Variants in SLITRK5 observed in about 807,000 individuals in gnomAD.
The protein encoded by SLITRK5 is SLIT and NTRK like family member 5.
In SLITRK5, 23 loss-of-function variants were observed where a neutral mutation model predicts 56.2. That is an observed-to-expected ratio of 0.41 (90% confidence interval 0.29 to 0.58). SLITRK5 has a LOEUF of 0.58. Among genes scored for constraint, SLITRK5 ranks in the 20% least tolerant of loss-of-function variants. SLITRK5 has a pLI of 0.30. For synonymous variants in SLITRK5, 637 were observed against 531.8 expected, an observed-to-expected ratio of 1.20 and a Z score of -2.72; for missense variants, 1,289 against 1,226.6, an observed-to-expected ratio of 1.05 and a Z score of -0.76.
rs976015688 is a variant in SLITRK5 at position 87,678,781 on chromosome 13, T to C, written c.*516T>C. 5 of 166,452 alleles carry C rather than the reference T, an allele frequency of 3.0e-5. No individual in the cohort carries two copies. Among genetic ancestry groups the C allele is most frequent in the Admixed American group, 6.6e-5 (1 of 15,158 alleles). The allele number at this position is 166,452 out of a possible 1,614,324, so 10.3% of individuals were successfully genotyped here. On this transcript the variant is annotated 3_prime_UTR_variant, in exon 2 of 2. Transcript: ENST00000683689. ...CTCTTTTTCCGCCCCTCTCCTTCTCTCCTCCCCTCCCCTCCCTTCTCATTC... is the reference window on the plus strand; with the variant it reads ...CTCTTTTTCCGCCCCTCTCCTTCTCCCCTCCCCTCCCCTCCCTTCTCATTC...
At position 87,677,148 on chromosome 13, in the gene SLITRK5, T is replaced by A; in HGVS notation, c.1760T>A (p.Val587Glu). The A allele has an allele frequency of 6.2e-7, 1 of 1,614,162 alleles. No homozygotes were observed. The highest frequency in any genetic ancestry group is 8.5e-7 in the Non-Finnish European group (1 of 1,180,016). ...GAGCAGCTCAAAGTGGGCGTCCTAG[T>A]GGACGAGGTGATCTGTAAGGCGCCC... ...WVEQLKVGVL[V>E]DEVICKAPKK... Residue 587 changes from valine to glutamate, a missense_variant, in exon 2 of 2, where the codon GTG (valine) becomes GAG (glutamate). Val to Glu is a moderately radical substitution (Grantham distance 121). This residue lies in a region of SLITRK5 where 985 missense variants were observed against 906.0 expected (regional missense o/e 1.09). Transcript: ENST00000683689. This position sits in a 1 kb window ranked among gnomAD's most constrained non-coding sequence, Gnocchi z 4.7.
chr13:87,673,066 C>A (rs1012357502), intron 1 of SLITRK5, among the ~76,000 whole-genome samples: 1 of 151,838 alleles, frequency 6.6e-6, no homozygotes, highest in East Asian at 2.0e-4. Flanking sequence ...GTGCCCGGAG[C>A]CTCCGGTGCG....
Position 87,677,322 on chromosome 13 carries a change from G to A in SLITRK5, c.1934G>A (p.Ser645Asn). 6.2e-7 allele frequency: 1 copy of A among 1,614,102 alleles called. No individual in the cohort carries two copies. Among genetic ancestry groups the A allele is most frequent in the Non-Finnish European group, 8.5e-7 (1 of 1,180,016 alleles). The change falls in exon 2 of 2, where the codon AGC (serine) becomes AAC (asparagine). Residue 645 changes from serine to asparagine, a missense_variant. Ser to Asn is a conservative substitution (Grantham distance 46, BLOSUM62 1). Coordinates refer to ENST00000683689, the MANE Select transcript of SLITRK5 (RefSeq NM_001384609.1). The surrounding 1 kb of genome is among the most constrained non-coding windows in gnomAD (Gnocchi z 4.7). ...GTGACTCCTGCGGTCCGGTTGAATAGCACCGGGGCCCCCGCGAGCTTGGGC... is the reference window on the plus strand; with the variant it reads ...GTGACTCCTGCGGTCCGGTTGAATAACACCGGGGCCCCCGCGAGCTTGGGC... Reference protein sequence around the residue: ...SAVTPAVRLNSTGAPASLGAG... With the variant: ...SAVTPAVRLNNTGAPASLGAG...
intron 1 of SLITRK5, chr13:87,673,498 A>AGGGAGGGAGG: frequency 1.6e-6 from 1 of 629,248 alleles, no homozygotes; most frequent in Non-Finnish European, 2.3e-6. Flanking sequence ...GGGGAAGCAC[A>AGGGAGGGAGG]GGGAGGGAGG....
Position 87,677,507 on chromosome 13 carries a change from G to A in SLITRK5, c.2119G>A (p.Val707Met), listed in dbSNP as rs1390382828. The A allele has an allele frequency of 6.2e-7, 1 of 1,611,842 alleles. No homozygotes were observed. Among genetic ancestry groups the A allele is most frequent in the Non-Finnish European group, 8.5e-7 (1 of 1,179,858 alleles). The change falls in exon 2 of 2, where the codon GTG becomes ATG. Residue 707 changes from valine (V) to methionine (M), a missense_variant. Transcript: ENST00000683689. This position sits in a 1 kb window ranked among gnomAD's most constrained non-coding sequence, Gnocchi z 4.7. ...SDHTSTNNSD[V>M]SSFNMQYSVY... ...CCACACCAGCACCAACAACTCCGAC[G>A]TGAGCTCCTTTAACATGCAGTACAG...
chr13:87,675,783 G>A lies in SLITRK5; in HGVS notation c.395G>A (p.Arg132Lys), dbSNP rs1446223587. The A allele has an allele frequency of 6.2e-7, 1 of 1,614,108 alleles. No individual in the cohort carries two copies. The highest frequency in any genetic ancestry group is 1.1e-5 in the South Asian group (1 of 91,072). Reference protein sequence around the residue: ...TGAFHGLRGLRRLHLNNNKLE... With the variant: ...TGAFHGLRGLKRLHLNNNKLE... Reference sequence around the variant, plus strand: ...GCTTTCCATGGGCTACGGGGTTTGAGGAGATTGCATCTAAACAATAATAAA... The same window carrying A: ...GCTTTCCATGGGCTACGGGGTTTGAAGAGATTGCATCTAAACAATAATAAA... The change falls in exon 2 of 2, where the codon AGG becomes AAG. Residue 132 changes from arginine (R) to lysine (K), a missense_variant. This residue lies in a region of SLITRK5 where 291 missense variants were observed against 286.7 expected (regional missense o/e 1.02). Coordinates refer to ENST00000683689, the MANE Select transcript of SLITRK5 (RefSeq NM_001384609.1).
Position 87,678,412 on chromosome 13 carries a change from G to A in SLITRK5, c.*147G>A, listed in dbSNP as rs1048460867. 3 of 743,308 alleles carry A rather than the reference G, an allele frequency of 4.0e-6. No homozygotes were observed. The highest frequency in any genetic ancestry group is 6.7e-6 in the Non-Finnish European group (3 of 450,932). 46.0% of individuals were successfully genotyped at this position (743,308 alleles called of 1,614,324 possible). A position where few individuals can be genotyped will look rare whatever the true frequency, so the allele number is the denominator to read the frequency against. On this transcript the variant is annotated 3_prime_UTR_variant, in exon 2 of 2. Transcript: ENST00000683689. The stretch of plus-strand genomic sequence containing the variant: ...ATTTCTCAGCTTCGGTGGAAGATAC[G>A]AAAAGGGTGTGCAATTTCCTTTAAA...
rs1193585510 is a variant in SLITRK5, at chr13:87,679,094, T to A, written c.*829T>A. 2 of 166,832 alleles carry A rather than the reference T, an allele frequency of 1.2e-5. No homozygotes were observed. Among genetic ancestry groups the A allele is most frequent in the Non-Finnish European group, 2.9e-5 (2 of 68,110 alleles). The allele number at this position is 166,832 out of a possible 1,614,324, so 10.3% of individuals were successfully genotyped here. On this transcript the variant is annotated 3_prime_UTR_variant, in exon 2 of 2. Coordinates refer to ENST00000683689, the MANE Select transcript of SLITRK5 (RefSeq NM_001384609.1). ...GTATTAGGATCTGCATTTCTAAAAC[T>A]GACGTGGTATCAGGAAGGCATTTTC...
In SLITRK5 at chr13:87,676,867, C is replaced by A. The variant is rs777152769; in HGVS notation, c.1479C>A (p.Ile493=). 3 of 1,614,144 alleles carry A rather than the reference C, an allele frequency of 1.9e-6. No individual in the cohort carries two copies. In the South Asian group the frequency reaches 3.3e-5, roughly 18 times the overall value. The stretch of plus-strand genomic sequence containing the variant: ...ATCTCTTCCTCCAGTACAATCTCAT[C>A]CGCGAGATTCAGTCTGGAACTTTTG... ...LQYLFLQYNL[I]REIQSGTFDP... The change falls in exon 2 of 2, where the codon ATC becomes ATA. Residue 493 remains isoleucine, a synonymous_variant. Transcript: ENST00000683689.
chr13:87,675,772 A>G lies in SLITRK5; in HGVS notation c.384A>G (p.Leu128=), dbSNP rs1211594343. The G allele has an allele frequency of 3.1e-6, 5 of 1,614,044 alleles. No homozygotes were observed. The East Asian group carries it at 6.7e-5, about 22-fold the overall frequency. The change falls in exon 2 of 2, where the codon CTA becomes CTG. Residue 128 remains leucine (L), a synonymous_variant. Transcript: ENST00000683689. ...QDIETGAFHG[L]RGLRRLHLNN... ...TTGAGACCGGGGCTTTCCATGGGCTACGGGGTTTGAGGAGATTGCATCTAA... is the reference window on the plus strand; with the variant it reads ...TTGAGACCGGGGCTTTCCATGGGCTGCGGGGTTTGAGGAGATTGCATCTAA...
chr13:87,676,759 C>T lies in SLITRK5; in HGVS notation c.1371C>T (p.Thr457=), dbSNP rs1289627746. The change falls in exon 2 of 2, where the codon ACC becomes ACT. Residue 457 remains threonine, a synonymous_variant. Transcript: ENST00000683689. ...MIQDRAFGDL[T]NLRRLYLNGN... ...AGGACCGCGCTTTCGGGGATCTCACCAACCTGAGGCGCCTCTACCTGAATG... is the reference window on the plus strand; with the variant it reads ...AGGACCGCGCTTTCGGGGATCTCACTAACCTGAGGCGCCTCTACCTGAATG... The T allele has an allele frequency of 1.2e-6, 2 of 1,614,126 alleles. No homozygotes were observed. Among genetic ancestry groups the T allele is most frequent in the African/African-American group, 2.7e-5 (2 of 75,038 alleles).
rs1273841799 is a variant in SLITRK5 at position 87,675,264 on chromosome 13, G to C, written c.-8-117G>C. The stretch of plus-strand genomic sequence containing the variant: ...TTTCACTTGGGGAGGTGTGTCATTT[G>C]TATCTCTTCCTTTTGGGTTTTAGAG... On this transcript the variant is annotated intron_variant, in intron 1 of 1. Transcript: ENST00000683689. The C allele has an allele frequency of 6.0e-6, 4 of 667,342 alleles. No homozygotes were observed. The East Asian group carries it at 8.0e-5, about 13-fold the overall frequency. The allele number at this position is 667,342 out of a possible 1,614,324, so 41.3% of individuals were successfully genotyped here.
At chr13:87,674,436 G>A in intron 1 of SLITRK5, 3 of 983,708 alleles carry the variant, frequency 3.0e-6, no homozygotes, top group Non-Finnish European at 3.6e-6. Flanking sequence ...GATCCTTGGT[G>A]TACTGATTCC....
rs980668290 is a variant in SLITRK5, at chr13:87,676,871, G to C, written c.1483G>C (p.Glu495Gln). The change falls in exon 2 of 2, where the codon GAG (glutamate) becomes CAG (glutamine). Residue 495 changes from glutamate to glutamine, a missense_variant. By Grantham distance (29) the Glu-to-Gln change is conservative. Coordinates refer to ENST00000683689, the MANE Select transcript of SLITRK5 (RefSeq NM_001384609.1). The part of the protein sequence containing the change: ...YLFLQYNLIR[E>Q]IQSGTFDPVP... The stretch of plus-strand genomic sequence containing the variant: ...CTTCCTCCAGTACAATCTCATCCGC[G>C]AGATTCAGTCTGGAACTTTTGACCC... The C allele has an allele frequency of 4.3e-6, 7 of 1,613,966 alleles. No homozygotes were observed. Among genetic ancestry groups the C allele is most frequent in the East Asian group, 2.2e-5 (1 of 44,854 alleles).
chr13:87,672,853 A>AGG (rs1312125923), intron 1 of SLITRK5: 4 of 124,716 alleles, frequency 3.2e-5, no homozygotes, highest in East Asian at 2.6e-4. Context: ...TTTGCAAAAG[A>AGG]GGTGTGTGTG....
rs1435832084 is a variant in SLITRK5, at chr13:87,675,732, A to G, written c.344A>G (p.Asn115Ser). The G allele has an allele frequency of 1.9e-6, 3 of 1,614,108 alleles. No homozygotes were observed. Among genetic ancestry groups the G allele is most frequent in the Non-Finnish European group, 2.5e-6 (3 of 1,180,014 alleles). ...GCTTCAATTTTGCATCTAGGTAGCA[A>G]TGTTATCCAGGACATTGAGACCGGG... ...TGASILHLGSNVIQDIETGAF... is the reference protein window; with the variant it reads ...TGASILHLGSSVIQDIETGAF... The change falls in exon 2 of 2, where the codon AAT (asparagine) becomes AGT (serine). Residue 115 changes from asparagine (N) to serine (S), a missense_variant. Physicochemically the swap from Asn to Ser is conservative, Grantham distance 46. Coordinates refer to ENST00000683689, the MANE Select transcript of SLITRK5 (RefSeq NM_001384609.1).
At position 87,676,734 on chromosome 13, in the gene SLITRK5, A is replaced by T. The variant is rs779562068; in HGVS notation, c.1346A>T (p.Gln449Leu). 5.6e-6 allele frequency: 9 copies of T among 1,614,114 alleles called. No homozygotes were observed. The South Asian group carries it at 8.8e-5, about 16-fold the overall frequency. The change falls in exon 2 of 2, where the codon CAG becomes CTG. Residue 449 changes from glutamine to leucine, a missense_variant. Gln to Leu is a moderately radical substitution (Grantham distance 113). Transcript: ENST00000683689. ...HLGNNRISMI[Q>L]DRAFGDLTNL... ...GGGAATAACCGCATCTCGATGATCCAGGACCGCGCTTTCGGGGATCTCACC... is the reference window on the plus strand; with the variant it reads ...GGGAATAACCGCATCTCGATGATCCTGGACCGCGCTTTCGGGGATCTCACC...
In SLITRK5 at chr13:87,676,310, A is replaced by G. The variant is rs1877271875; in HGVS notation, c.922A>G (p.Thr308Ala). ...TTTGAGCACCACGGGGTATTTACAC[A>G]CCACCCCGGCGTCAGTGAATTCTGT... ...TPLSTTGYLH[T>A]TPASVNSVAT... The change falls in exon 2 of 2, where the codon ACC (threonine) becomes GCC (alanine). Residue 308 changes from threonine (T) to alanine (A), a missense_variant. Transcript: ENST00000683689. The G allele has an allele frequency of 2.5e-6, 4 of 1,613,950 alleles. No homozygotes were observed. The highest frequency in any genetic ancestry group is 3.4e-6 in the Non-Finnish European group (4 of 1,179,982).
Position 87,677,761 on chromosome 13 carries a change from C to CCTG in SLITRK5, c.2375_2377dup (p.Leu792dup). ...AGGTCACCTACAGCAGCAACCACCA[C>CCTG]CTGCAGCAGCAGCAGCAGCCGCCGC... On this transcript the variant is annotated inframe_insertion, in exon 2 of 2. Coordinates refer to ENST00000683689, the MANE Select transcript of SLITRK5 (RefSeq NM_001384609.1). The surrounding 1 kb of genome is among the most constrained non-coding windows in gnomAD (Gnocchi z 4.7). 1 of 1,612,540 alleles carries CCTG rather than the reference C, an allele frequency of 6.2e-7. No individual in the cohort carries two copies. The highest frequency in any genetic ancestry group is 1.3e-5 in the African/African-American group (1 of 75,014).
Sources: gnomAD v4.1 joint callset for allele counts (sites outside exome capture counted in the v4.1 genomes callset) on GRCh38, gnomAD v4.1.1 for gene constraint, gnomAD v4.1.1 regional missense constraint, Gnocchi (gnomAD v3.1) non-coding constraint, MANE v1.5 for transcripts, NCBI Gene and HGNC (gene_info 2026-07-23, HGNC 2026-07-21) for gene names.